STAU2: variants seen among roughly 807,000 people sequenced by gnomAD.
STAU2 encodes the protein double-stranded RNA-binding protein Staufen homolog 2.
STAU2 carries 20 observed loss-of-function variants against 65.9 expected under a neutral mutation model. The observed-to-expected ratio is 0.30, with a 90% CI of 0.21 to 0.44. The LOEUF (loss-of-function observed/expected upper bound fraction) is 0.44. STAU2 is among the 20% of genes least tolerant of loss of function. The pLI is 1.00. For synonymous variants in STAU2, 232 were observed against 233.9 expected, an observed-to-expected ratio of 0.99 and a Z score of 0.07; for missense variants, 558 against 683.9, an observed-to-expected ratio of 0.82 and a Z score of 2.05.
intron 11 of STAU2, among the ~76,000 whole-genome samples, chr8:73,586,779 A>C (rs1810409225): frequency 6.6e-6 from 1 of 152,016 alleles, no homozygotes; most frequent in South Asian, 2.1e-4. Context: ...AAAATAGCTG[A>C]TGTGAAAATG....
chr8:73,654,962 G>A (rs1421431486), intron 6 of STAU2, among the ~76,000 whole-genome samples: 6 of 152,164 alleles, frequency 3.9e-5, no homozygotes, highest in Non-Finnish European at 7.3e-5. Context: ...TGGGATTACA[G>A]GCGTGAGCCA....
chr8:73,421,814 G>C (rs998000465), intron 14 of STAU2, among the ~76,000 whole-genome samples: 1 of 152,022 alleles, frequency 6.6e-6, no homozygotes, highest in African/African-American at 2.4e-5. Context: ...CAGTGTATCT[G>C]GTTTTTACTT....
chr8:73,574,942 A>C (rs1809414692), intron 12 of STAU2, among the ~76,000 whole-genome samples: 2 of 151,702 alleles, frequency 1.3e-5, no homozygotes, highest in African/African-American at 4.8e-5. Flanking sequence ...ATAAAAATAA[A>C]GAAATGTTTT....
At chr8:73,460,009 C>A (rs1019144051) in intron 13 of STAU2, among the ~76,000 whole-genome samples, 1 of 152,122 alleles carries the variant, frequency 6.6e-6, no homozygotes, top group Admixed American at 6.5e-5. Flanking sequence ...TTGGATCATT[C>A]CCCTTCTATT....
chr8:73,430,980 T>A (rs1585733078), intron 13 of STAU2, among the ~76,000 whole-genome samples: 1 of 152,208 alleles, frequency 6.6e-6, no homozygotes, highest in Non-Finnish European at 1.5e-5. Flanking sequence ...GGTGTTTAAA[T>A]CCTACCATCT....
At chr8:73,637,600 C>G (rs1391679961) in intron 6 of STAU2, among the ~76,000 whole-genome samples, 1 of 137,500 alleles carries the variant, frequency 7.3e-6, no homozygotes, top group Non-Finnish European at 1.6e-5. Context: ...TTTCAGTAAA[C>G]AAAAATTCAG....
intron 12 of STAU2, among the ~76,000 whole-genome samples, chr8:73,571,592 C>T (rs1409957398): frequency 2.0e-5 from 3 of 152,236 alleles, no homozygotes; most frequent in Non-Finnish European, 4.4e-5. Flanking sequence ...GATTAAGAAA[C>T]TCACTCAAAA....
At chr8:73,709,317 G>T in intron 3 of STAU2, 155 bp from the exon 4 acceptor site, 1 of 660,848 alleles carries the variant, frequency 1.5e-6, no homozygotes, top group Non-Finnish European at 2.3e-6. Flanking sequence ...TCCATTACAT[G>T]CAACAGAAAT....
chr8:73,722,698 AT>A (rs144922547), intron 3 of STAU2, among the ~76,000 whole-genome samples: 1,636 of 152,246 alleles, frequency 0.011, 27 homozygotes, highest in African/African-American at 0.037. Flanking sequence ...TTTTCTCTTT[AT>A]CATTTGCTTT....
intron 13 of STAU2, among the ~76,000 whole-genome samples, chr8:73,435,640 G>A (rs186635680): frequency 1.4e-4 from 22 of 152,062 alleles, no homozygotes; most frequent in Middle Eastern, 6.8e-3. Context: ...CGAGAGAAAT[G>A]TTCCTGCCCC....
intron 12 of STAU2, among the ~76,000 whole-genome samples, chr8:73,575,594 GA>G (rs1292506898): frequency 6.6e-6 from 1 of 152,020 alleles, no homozygotes; most frequent in Admixed American, 6.6e-5. Context: ...ATCCATCTGT[GA>G]AAAATTGATT....
chr8:73,623,528 T>C (rs1813419763), intron 6 of STAU2, among the ~76,000 whole-genome samples: 2 of 152,220 alleles, frequency 1.3e-5, no homozygotes, highest in Admixed American at 1.3e-4. Flanking sequence ...GGAGAGGCTT[T>C]GGATTTCTGT....
intron 13 of STAU2, among the ~76,000 whole-genome samples, chr8:73,538,408 A>T (rs1399551762): frequency 6.6e-6 from 1 of 152,122 alleles, no homozygotes; most frequent in Non-Finnish European, 1.5e-5. Context: ...GCCTATTAAG[A>T]ATAGATAATA....
At chr8:73,501,646 G>C (rs1355785766) in intron 13 of STAU2, among the ~76,000 whole-genome samples, 2 of 151,892 alleles carry the variant, frequency 1.3e-5, no homozygotes, top group African/African-American at 4.8e-5. Context: ...CCTGGGGAAA[G>C]AATCTTAGAT....
chr8:73,450,717 C>G (rs1448572708), intron 13 of STAU2, among the ~76,000 whole-genome samples: 3 of 152,196 alleles, frequency 2.0e-5, no homozygotes, highest in Admixed American at 6.5e-5. Context: ...TGCCTTCAAT[C>G]TTGGGTGTGT....
At chr8:73,602,971 G>A (rs1811750233) in intron 10 of STAU2, among the ~76,000 whole-genome samples, 2 of 152,118 alleles carry the variant, frequency 1.3e-5, no homozygotes, top group Admixed American at 1.3e-4. Context: ...ATTAATAGCT[G>A]AATCAAGTGT....
At chr8:73,663,605 G>T (rs1817002105) in intron 6 of STAU2, among the ~76,000 whole-genome samples, 1 of 150,066 alleles carries the variant, frequency 6.7e-6, no homozygotes. Flanking sequence ...ATCTCCAAAT[G>T]TCAGCACTAC....
chr8:73,649,331 T>G (rs1049680156), intron 6 of STAU2, among the ~76,000 whole-genome samples: 1 of 152,182 alleles, frequency 6.6e-6, no homozygotes, highest in African/African-American at 2.4e-5. Flanking sequence ...TTGCTTACCA[T>G]TTAAGTAAAG....
intron 11 of STAU2, among the ~76,000 whole-genome samples, chr8:73,584,069 A>G (rs986970780): frequency 2.0e-5 from 3 of 152,212 alleles, no homozygotes; most frequent in African/African-American, 7.2e-5. Context: ...TTTTAATCAT[A>G]CATCTTAGGG....
Sources: gnomAD v4.1 joint callset for allele counts (sites outside exome capture counted in the v4.1 genomes callset) on GRCh38, gnomAD v4.1.1 for gene constraint, MANE v1.5 for transcripts, NCBI Gene and HGNC (gene_info 2026-07-23, HGNC 2026-07-21) for gene names.